Variants in MROH9 observed in about 807,000 individuals in gnomAD.
The protein encoded by MROH9 is maestro heat like repeat family member 9, also known as maestro heat-like repeat-containing protein family member 9.
MROH9 carries 92 observed loss-of-function variants against 98.2 expected under a neutral mutation model. The ratio of observed to expected loss-of-function variants is 0.94; its 90% confidence interval spans 0.79 to 1.11. The LOEUF (loss-of-function observed/expected upper bound fraction) is 1.11. Among genes scored for constraint, MROH9 ranks in the 50% most tolerant of loss-of-function variants. The pLI is 0.00. For missense variants in MROH9, 1,057 were observed against 1,014.8 expected (o/e 1.04, Z -0.57); for synonymous variants, 397 against 368.9 (o/e 1.08, Z -0.87).
At chr1:170,982,939 T>C (rs900159797) in intron 8 of MROH9, among the ~76,000 whole-genome samples, 43 of 152,126 alleles carry the variant, frequency 2.8e-4, no homozygotes, top group African/African-American at 9.7e-4. Context: ...TAAATGTCAA[T>C]TATATCTCTA....
At chr1:170,938,661 G>A (rs1648993456) in intron 1 of MROH9, among the ~76,000 whole-genome samples, 1 of 152,200 alleles carries the variant, frequency 6.6e-6, no homozygotes, top group South Asian at 2.1e-4. Flanking sequence ...TGGTGGATAA[G>A]GCATTCTATA....
At chr1:171,011,839 A>AT (rs947901887) in intron 15 of MROH9, among the ~76,000 whole-genome samples, 34 of 151,476 alleles carry the variant, frequency 2.2e-4, no homozygotes, top group South Asian at 6.2e-4. Flanking sequence ...TCTTAATAGG[A>AT]TTTTTTTCCT....
At chr1:170,948,318 T>C (rs17620916) in intron 3 of MROH9, among the ~76,000 whole-genome samples, 14,725 of 152,072 alleles carry the variant, frequency 0.097, 803 homozygotes, top group Non-Finnish European at 0.1. Flanking sequence ...CTTTTATAGA[T>C]TTTGTTCATA....
intron 15 of MROH9, among the ~76,000 whole-genome samples, chr1:171,012,669 ATTTTTTGTAT>A (rs1045119878): frequency 2.0e-5 from 3 of 151,488 alleles, no homozygotes; most frequent in Non-Finnish European, 4.4e-5. Flanking sequence ...CGCCTGGCTA[ATTTTTTGTAT>A]TTTTTAGTAG....
intron 20 of MROH9, among the ~76,000 whole-genome samples, chr1:171,032,106 G>A (rs193246791): frequency 3.9e-4 from 60 of 152,142 alleles, no homozygotes; most frequent in Middle Eastern, 3.4e-3. Context: ...CGAACTTCTC[G>A]TGCTGGGGTT....
At chr1:171,031,337 G>A (rs925336234) in intron 20 of MROH9, among the ~76,000 whole-genome samples, 1 of 152,084 alleles carries the variant, frequency 6.6e-6, no homozygotes, top group Non-Finnish European at 1.5e-5. Context: ...GAGCTAGCTG[G>A]TTATTTTGCA....
intron 9 of MROH9, among the ~76,000 whole-genome samples, chr1:170,985,731 C>G (rs993107018): frequency 6.6e-6 from 1 of 150,898 alleles, no homozygotes; most frequent in African/African-American, 2.4e-5. Flanking sequence ...TTCAGCCCCC[C>G]TCTCCAAGCC....
At chr1:171,041,996 T>C (rs891451951) in intron 20 of MROH9, among the ~76,000 whole-genome samples, 3 of 152,066 alleles carry the variant, frequency 2.0e-5, no homozygotes, top group Non-Finnish European at 4.4e-5. Context: ...TTACAAACAA[T>C]CCAATCACAC....
At chr1:170,994,052 T>C (rs2101811262) in intron 12 of MROH9, among the ~76,000 whole-genome samples, 1 of 152,348 alleles carries the variant, frequency 6.6e-6, no homozygotes, top group South Asian at 2.1e-4. Flanking sequence ...GCATTGTCAC[T>C]GTATTGACTT....
In MROH9 at chr1:171,024,472, G is replaced by C; in HGVS notation, c.1986G>C (p.Met662Ile). The change falls in exon 18 of 22, where the codon ATG becomes ATC. Residue 662 changes from methionine to isoleucine, a missense_variant. Met to Ile is a conservative substitution (Grantham distance 10). Transcript: ENST00000367759. ...LVRDMRQYTW[M>I]VNDVVLEGLV... Reference sequence around the variant, plus strand: ...GGGATATGAGACAGTACACATGGATGGTGAATGATGTGGTTCTAGAAGGCT... The same window carrying C: ...GGGATATGAGACAGTACACATGGATCGTGAATGATGTGGTTCTAGAAGGCT... The C allele has an allele frequency of 6.5e-7, 1 of 1,550,160 alleles. No homozygotes were observed. The highest frequency in any genetic ancestry group is 8.7e-7 in the Non-Finnish European group (1 of 1,146,530).
intron 1 of MROH9, among the ~76,000 whole-genome samples, chr1:170,937,510 T>C (rs1648934420): frequency 1.4e-5 from 2 of 148,022 alleles, no homozygotes; most frequent in South Asian, 2.1e-4. Context: ...AGCATCATAA[T>C]CAGTATTTTT....
At chr1:170,982,739 T>C (rs1325202957) in intron 8 of MROH9, among the ~76,000 whole-genome samples, 1 of 151,926 alleles carries the variant, frequency 6.6e-6, no homozygotes, top group Non-Finnish European at 1.5e-5. Context: ...AATATGTATA[T>C]TTTTAATTAG....
intron 15 of MROH9, chr1:170,998,869 G>C (rs1651686964): frequency 3.8e-6 from 2 of 527,704 alleles, no homozygotes; most frequent in Non-Finnish European, 4.9e-6. Flanking sequence ...CTAAGGTGAA[G>C]TGCCCAATAC....
At chr1:171,059,922 A>G (rs1157648820) in intron 20 of MROH9, among the ~76,000 whole-genome samples, 2 of 152,078 alleles carry the variant, frequency 1.3e-5, no homozygotes, top group Non-Finnish European at 2.9e-5. Flanking sequence ...ATGGGTCAAT[A>G]GGTGCAAAAA....
chr1:170,990,092 C>A, intron 11 of MROH9, 89 bp downstream of exon 11: 2 of 1,328,520 alleles, frequency 1.5e-6, no homozygotes, highest in African/African-American at 1.5e-5. Context: ...CTCAATCTAC[C>A]ATAGTCAGGC....
In MROH9 at chr1:170,998,178, A is replaced by G; in HGVS notation, c.1500A>G (p.Pro500=). 12 of 1,607,836 alleles carry G rather than the reference A, an allele frequency of 7.5e-6. No individual in the cohort carries two copies. Among genetic ancestry groups the G allele is most frequent in the Non-Finnish European group, 1.0e-5 (12 of 1,178,116 alleles). The change falls in exon 15 of 22, where the codon CCA becomes CCG. Residue 500 remains proline, a synonymous_variant. Coordinates refer to ENST00000367759, the MANE Select transcript of MROH9 (RefSeq NM_001163629.2). The part of the protein sequence containing the change: ...IAKTLSEYNF[P]QFPETLSYLY... ...GAACTCTCAGTGAATATAACTTTCCACAGTTTCCGGAGACCCTGAGTTATC... is the reference window on the plus strand; with the variant it reads ...GAACTCTCAGTGAATATAACTTTCCGCAGTTTCCGGAGACCCTGAGTTATC...
chr1:170,983,635 G>GT (rs931767140), intron 9 of MROH9, 101 bp downstream of exon 9: 636 of 697,188 alleles, frequency 9.1e-4, no homozygotes, highest in South Asian at 9.9e-4. Context: ...GTATTTTTTC[G>GT]TTTTTTTTTA....
intron 11 of MROH9, 103 bp from the exon 12 acceptor site, chr1:170,992,061 A>G: frequency 7.9e-7 from 1 of 1,267,868 alleles, no homozygotes. Context: ...TCTTTGCTAT[A>G]TAAAAATGTA....
chr1:171,001,415 C>T (rs1041204875), intron 15 of MROH9, among the ~76,000 whole-genome samples: 4 of 152,070 alleles, frequency 2.6e-5, no homozygotes, highest in Non-Finnish European at 4.4e-5. Context: ...ACCGTCTTAG[C>T]TGTATCCCAG....
Sources: gnomAD v4.1 joint callset for allele counts (sites outside exome capture counted in the v4.1 genomes callset) on GRCh38, gnomAD v4.1.1 for gene constraint, MANE v1.5 for transcripts, NCBI Gene and HGNC (gene_info 2026-07-23, HGNC 2026-07-21) for gene names.